The following SEL1L3 variants were observed in gnomAD, a reference collection of about 807,000 sequenced individuals.
SEL1L3 encodes the protein SEL1L family member 3, also known as protein sel-1 homolog 3.
Under a neutral mutation model 142.8 loss-of-function variants are expected in SEL1L3, and 76 were observed. The observed-to-expected ratio is 0.53, with a 90% CI of 0.44 to 0.64. The LOEUF is 0.64. Ranked by LOEUF, SEL1L3 falls within the 30% of genes least tolerant of loss-of-function variation. The probability of loss-of-function intolerance (pLI) is 0.00; values close to 1 mark genes in which losing one functional copy is unlikely to be tolerated. For missense variants in SEL1L3, 1,262 were observed against 1,381.7 expected, an observed-to-expected ratio of 0.91 and a Z score of 1.37; for synonymous variants, 504 against 519.6, an observed-to-expected ratio of 0.97 and a Z score of 0.41.
chr4:25,845,391 G>A (rs915302020), intron 2 of SEL1L3, among the ~76,000 whole-genome samples: 7 of 152,184 alleles, frequency 4.6e-5, no homozygotes, highest in African/African-American at 1.7e-4. Flanking sequence ...CGCTACTCAG[G>A]AGGCTGAGGT....
At chr4:25,722,639 T>TTTTTTTTTTTAA in the SEL1L3 span, among the ~76,000 whole-genome samples, 1 of 150,194 alleles carries the variant, frequency 6.7e-6, no homozygotes, top group Non-Finnish European at 1.5e-5. Context: ...TTTTTTTTTT[T>TTTTTTTTTTTAA]AGAGATAGGG....
chr4:25,753,771 G>T (rs905204255), intron 23 of SEL1L3, among the ~76,000 whole-genome samples: 29 of 152,316 alleles, frequency 1.9e-4, no homozygotes, highest in African/African-American at 7.0e-4. Flanking sequence ...ATCCCTTGAG[G>T]TCAGGAGTTC....
intron 11 of SEL1L3, among the ~76,000 whole-genome samples, chr4:25,798,584 T>C (rs1712948864): frequency 6.6e-6 from 1 of 152,130 alleles, no homozygotes; most frequent in African/African-American, 2.4e-5. Flanking sequence ...TCCCAGCACT[T>C]TGGGAGGCCA....
chr4:25,765,276 G>C, intron 20 of SEL1L3, 50 bp downstream of exon 20: 1 of 1,273,666 alleles, frequency 7.9e-7, no homozygotes, highest in South Asian at 1.2e-5. Context: ...TTACAGGCAT[G>C]AGCCACCGTG....
chr4:25,831,612 G>T (rs776337783), intron 5 of SEL1L3, among the ~76,000 whole-genome samples: 5 of 150,798 alleles, frequency 3.3e-5, no homozygotes, highest in Admixed American at 1.3e-4. Context: ...TGCAACCTCC[G>T]CCTCCCGGAT....
At chr4:25,724,576 A>G in the SEL1L3 span, among the ~76,000 whole-genome samples, 1 of 151,742 alleles carries the variant, frequency 6.6e-6, no homozygotes, top group African/African-American at 2.4e-5. Flanking sequence ...CGTCTCTACT[A>G]AAAATACAAA....
At chr4:25,861,717 A>C (rs1717719298) in intron 1 of SEL1L3, 1 of 151,360 alleles carries the variant, frequency 6.6e-6, no homozygotes, top group Non-Finnish European at 1.5e-5. Flanking sequence ...ATTTACAGTA[A>C]TATATGGCGA....
At chr4:25,838,833 T>A (rs1031417026) in intron 2 of SEL1L3, among the ~76,000 whole-genome samples, 3 of 152,220 alleles carry the variant, frequency 2.0e-5, no homozygotes, top group Admixed American at 1.3e-4. Flanking sequence ...ATGTAGCCCA[T>A]TCTCTGGTTC....
chr4:25,770,380 A>G (rs1361768413), intron 17 of SEL1L3: 1 of 152,192 alleles, frequency 6.6e-6, no homozygotes, highest in African/African-American at 2.4e-5. Flanking sequence ...CATTGAGGAA[A>G]CACTGAAATC....
At chr4:25,776,436 A>G (rs1326715607) in intron 16 of SEL1L3, 76 bp from the exon 17 acceptor site, 6 of 989,646 alleles carry the variant, frequency 6.1e-6, no homozygotes, top group East Asian at 2.4e-5. Context: ...TATGCTCTCA[A>G]TAAATCCCAC....
the SEL1L3 span, among the ~76,000 whole-genome samples, chr4:25,724,460 G>A: frequency 4.0e-5 from 6 of 151,762 alleles, no homozygotes; most frequent in African/African-American, 4.8e-5. Context: ...AGAAAAAAAA[G>A]GCCAGGTACA....
At chr4:25,782,450 T>A (rs148911697) in intron 14 of SEL1L3, 32 bp from the exon 15 acceptor site, 15 of 1,595,006 alleles carry the variant, frequency 9.4e-6, no homozygotes, top group African/African-American at 2.7e-5. Flanking sequence ...AAATTAACTT[T>A]AGAAAAATGA....
chr4:25,721,346 G>C, the SEL1L3 span, among the ~76,000 whole-genome samples: 1 of 152,030 alleles, frequency 6.6e-6, no homozygotes, highest in Non-Finnish European at 1.5e-5. Flanking sequence ...ATGAAGAGCT[G>C]TCAAATTCCT....
chr4:25,818,053 A>G (rs1482833734), intron 9 of SEL1L3, 85 bp downstream of exon 9: 10 of 1,407,048 alleles, frequency 7.1e-6, no homozygotes, highest in Non-Finnish European at 9.6e-6. Flanking sequence ...TTTAAGGCAT[A>G]AATCACCAAA....
intron 9 of SEL1L3, among the ~76,000 whole-genome samples, chr4:25,813,569 T>C (rs1196101475): frequency 6.6e-6 from 1 of 152,044 alleles, no homozygotes; most frequent in African/African-American, 2.4e-5. Flanking sequence ...ATGGGGGCAA[T>C]GGGGAGACGT....
chr4:25,791,506 A>C (rs778133347), intron 11 of SEL1L3, among the ~76,000 whole-genome samples: 1 of 152,264 alleles, frequency 6.6e-6, no homozygotes, highest in Non-Finnish European at 1.5e-5. Flanking sequence ...TCGCTCTAAT[A>C]GTGCCATAAG....
chr4:25,833,360 T>TGGG (rs1715568392), intron 4 of SEL1L3, 88 bp downstream of exon 4: 1 of 1,289,258 alleles, frequency 7.8e-7, no homozygotes, highest in Non-Finnish European at 1.1e-6. Flanking sequence ...GTTGACAGGA[T>TGGG]CTTCCTTATT....
chr4:25,792,893 T>G (rs555930887), intron 11 of SEL1L3, among the ~76,000 whole-genome samples: 1 of 152,328 alleles, frequency 6.6e-6, no homozygotes, highest in African/African-American at 2.4e-5. Flanking sequence ...TCTCCTTGTT[T>G]TGTTTCCTCC....
At chr4:25,828,094 A>G (rs1715204914) in intron 6 of SEL1L3, among the ~76,000 whole-genome samples, 1 of 152,180 alleles carries the variant, frequency 6.6e-6, no homozygotes, top group South Asian at 2.1e-4. Context: ...GTGCTCTTGA[A>G]GACATGTGCT....
Sources: gnomAD v4.1 joint callset for allele counts (sites outside exome capture counted in the v4.1 genomes callset) on GRCh38, gnomAD v4.1.1 for gene constraint, MANE v1.5 for transcripts, NCBI Gene and HGNC (gene_info 2026-07-23, HGNC 2026-07-21) for gene names.